The following SDCCAG8 variants were observed in gnomAD, a reference collection of about 807,000 sequenced individuals.
SDCCAG8 encodes SHH signaling and ciliogenesis regulator SDCCAG8.
A neutral mutation model predicts 101.8 loss-of-function variants in SDCCAG8; 74 were observed. That is an observed-to-expected ratio of 0.73 (90% CI 0.60 to 0.88). The LOEUF is 0.88. Among genes scored for constraint, SDCCAG8 ranks in the 40% least tolerant of loss-of-function variants. SDCCAG8 has a pLI of 0.00. For synonymous variants in SDCCAG8, 281 were observed against 292.9 expected, an observed-to-expected ratio of 0.96 and a Z score of 0.41; for missense variants, 787 against 822.6, an observed-to-expected ratio of 0.96 and a Z score of 0.53.
At chr1:243,322,009 G>A (rs2073797964) in intron 9 of SDCCAG8, among the ~76,000 whole-genome samples, 1 of 152,174 alleles carries the variant, frequency 6.6e-6, no homozygotes, top group South Asian at 2.1e-4. Flanking sequence ...GTATCTTTTT[G>A]GTATAATGAT....
chr1:243,331,388 C>T (rs1192122555), intron 10 of SDCCAG8, among the ~76,000 whole-genome samples: 2 of 152,178 alleles, frequency 1.3e-5, no homozygotes, highest in Admixed American at 1.3e-4. Flanking sequence ...TAAAAGTGGA[C>T]TCACAGCTTG....
chr1:243,427,826 A>G (rs1342663613), intron 16 of SDCCAG8, among the ~76,000 whole-genome samples: 3 of 152,186 alleles, frequency 2.0e-5, no homozygotes, highest in Non-Finnish European at 4.4e-5. Flanking sequence ...TCACTATTAA[A>G]ATGTTTACTT....
intron 17 of SDCCAG8, among the ~76,000 whole-genome samples, chr1:243,493,547 G>C (rs1302244039): frequency 6.6e-6 from 1 of 152,010 alleles, no homozygotes; most frequent in Non-Finnish European, 1.5e-5. Flanking sequence ...ATCCTGAGCA[G>C]GCTGCTTGGT....
chr1:243,433,160 G>A (rs969677466), intron 16 of SDCCAG8, among the ~76,000 whole-genome samples: 2 of 152,056 alleles, frequency 1.3e-5, no homozygotes, highest in African/African-American at 2.4e-5. Flanking sequence ...GTAACCTGAT[G>A]CCAGACTTAG....
rs867340941 is a variant in SDCCAG8 at position 243,273,510 on chromosome 1, A to G, written c.307-1033A>G. Among the ~76,000 whole-genome samples, 11 of 152,316 alleles carry G rather than the reference A, an allele frequency of 7.2e-5. No homozygotes were observed. In the Middle Eastern group the frequency reaches 0.01, roughly 141 times the overall value. ...TGAAATCTCTTCGTTGGACCCCTCA[A>G]TGCAGTGTGTCTCTACTTTAGGGTT... On this transcript the variant is annotated intron_variant, in intron 3 of 17. Transcript: ENST00000366541.
At chr1:243,469,509 A>G (rs576115113) in intron 16 of SDCCAG8, among the ~76,000 whole-genome samples, 32 of 152,296 alleles carry the variant, frequency 2.1e-4, no homozygotes, top group Non-Finnish European at 3.7e-4. Flanking sequence ...TCTGATTTTT[A>G]TTATAATTTT....
At chr1:243,384,062 T>C (rs2078123071) in intron 13 of SDCCAG8, among the ~76,000 whole-genome samples, 1 of 152,172 alleles carries the variant, frequency 6.6e-6, no homozygotes, top group Non-Finnish European at 1.5e-5. Flanking sequence ...CACTTTGAGC[T>C]GATGGCATTT....
In SDCCAG8 at chr1:243,474,128, G is replaced by C. The variant is rs538311554; in HGVS notation, c.1986-14886G>C. 1.3e-5 allele frequency among the ~76,000 whole-genome samples: 2 copies of C among 152,008 alleles called. No homozygotes were observed. The highest frequency in any genetic ancestry group is 2.9e-5 in the Non-Finnish European group (2 of 67,992). ...ATCACTGACAAACAATGATTCATTG[G>C]TTTACAAATAAGGAATTAAAAGGTA... is the stretch of plus-strand genomic sequence containing the variant. On this transcript the variant is annotated intron_variant, in intron 16 of 17. Coordinates refer to ENST00000366541, the MANE Select transcript of SDCCAG8 (RefSeq NM_006642.5). The surrounding 1 kb of genome is among the most constrained non-coding windows in gnomAD (Gnocchi z 4.7).
At chr1:243,422,340 A>T (rs1234419017) in intron 15 of SDCCAG8, among the ~76,000 whole-genome samples, 1 of 152,192 alleles carries the variant, frequency 6.6e-6, no homozygotes, top group African/African-American at 2.4e-5. Context: ...TAAGATTTGA[A>T]TTCTAATCTG....
intron 3 of SDCCAG8, among the ~76,000 whole-genome samples, chr1:243,273,308 T>C (rs1365863345): frequency 6.6e-6 from 1 of 152,208 alleles, no homozygotes; most frequent in East Asian, 1.9e-4. Flanking sequence ...CAAGCTTTCC[T>C]CTGGCTTTGT....
chr1:243,331,732 A>G (rs1029779117), intron 10 of SDCCAG8, among the ~76,000 whole-genome samples: 3 of 152,128 alleles, frequency 2.0e-5, no homozygotes, highest in African/African-American at 7.2e-5. Flanking sequence ...TTCGGTGTCC[A>G]CGGTCCTTTC....
chr1:243,323,549 C>T (rs1451117400), intron 9 of SDCCAG8, among the ~76,000 whole-genome samples: 2 of 152,186 alleles, frequency 1.3e-5, no homozygotes, highest in African/African-American at 2.4e-5. Context: ...TGCCCACAGC[C>T]TTTGTTTAAG....
chr1:243,369,583 G>C (rs1205915057), intron 12 of SDCCAG8, among the ~76,000 whole-genome samples: 1 of 152,134 alleles, frequency 6.6e-6, no homozygotes, highest in Non-Finnish European at 1.5e-5. Context: ...CCACATAGCA[G>C]GGTGATAAGA....
rs2068049778 is a variant in SDCCAG8 at position 243,271,135 on chromosome 1, G to A, written c.306+72G>A. 3 of 1,103,412 alleles carry A rather than the reference G, an allele frequency of 2.7e-6. No homozygotes were observed. The South Asian group carries it at 3.8e-5, about 14-fold the overall frequency. 68.4% of individuals were successfully genotyped at this position (1,103,412 alleles called of 1,614,324 possible). The stretch of plus-strand genomic sequence containing the variant: ...TGTATTGTGTTATTTTGTAGTACAT[G>A]TTGCAGAAAAAATTTAAGCATGGCA... On this transcript the variant is annotated intron_variant, in intron 3 of 17. Transcript: ENST00000366541.
chr1:243,407,655 T>C (rs1281041825), intron 13 of SDCCAG8, among the ~76,000 whole-genome samples: 9 of 152,218 alleles, frequency 5.9e-5, no homozygotes, highest in Non-Finnish European at 1.2e-4. Context: ...TAGAGATGTT[T>C]CTGTTAAATA....
chr1:243,439,229 C>T (rs568081284), intron 16 of SDCCAG8, among the ~76,000 whole-genome samples: 2 of 152,226 alleles, frequency 1.3e-5, no homozygotes, highest in Admixed American at 1.3e-4. Context: ...TCATGGCTCA[C>T]TGCAGCCTCA....
intron 10 of SDCCAG8, among the ~76,000 whole-genome samples, chr1:243,339,508 A>G (rs7537332): frequency 0.016 from 2,498 of 152,222 alleles, 69 homozygotes; most frequent in African/African-American, 0.054. Context: ...GCCCAAGAAT[A>G]TTTTTTAGTT....
Position 243,312,637 on chromosome 1 carries a change from C to T in SDCCAG8, c.930-4118C>T, listed in dbSNP as rs544834847. On this transcript the variant is annotated intron_variant, in intron 8 of 17. Coordinates refer to ENST00000366541, the MANE Select transcript of SDCCAG8 (RefSeq NM_006642.5). ...AGGAGAATTGCTTGAACCTGGGAGG[C>T]GGAGGTTGCAGTGAGCCAAGATTGC... is the stretch of plus-strand genomic sequence containing the variant. Among the ~76,000 whole-genome samples the T allele has an allele frequency of 1.5e-3, 216 of 146,960 alleles. 1 individual carries two copies. Among genetic ancestry groups the T allele is most frequent in the African/African-American group, 5.2e-3 (207 of 39,566 alleles).
chr1:243,484,927 C>G (rs1664486391), intron 16 of SDCCAG8, among the ~76,000 whole-genome samples: 1 of 151,996 alleles, frequency 6.6e-6, no homozygotes, highest in African/African-American at 2.4e-5. Context: ...GCCTATAGTC[C>G]CAGCTACCTG....
Sources: allele counts gnomAD v4.1 joint callset (sites outside exome capture counted in the v4.1 genomes callset), GRCh38; gene constraint gnomAD v4.1.1; non-coding constraint Gnocchi (gnomAD v3.1); transcripts MANE v1.5; gene names NCBI Gene and HGNC (gene_info 2026-07-23, HGNC 2026-07-21).